The following NOL10 variants were observed in gnomAD, a reference collection of about 807,000 sequenced individuals.
The protein encoded by NOL10 is nucleolar protein 10, also known as H_NH0074G24.1.
A neutral mutation model predicts 103.5 loss-of-function variants in NOL10; 58 were observed. The ratio of observed to expected loss-of-function variants is 0.56; its 90% confidence interval spans 0.45 to 0.70. The LOEUF (loss-of-function observed/expected upper bound fraction) is 0.70, where lower values mean the gene tolerates loss of function less well. NOL10 is among the 30% of genes least tolerant of loss of function. The pLI is 0.00. For missense variants in NOL10, 763 were observed against 807.3 expected (o/e 0.95, Z 0.67); for synonymous variants, 287 against 282.5 (o/e 1.02, Z -0.16).
intron 12 of NOL10, among the ~76,000 whole-genome samples, chr2:10,648,737 C>T (rs191397781): frequency 1.3e-4 from 19 of 151,798 alleles, no homozygotes; most frequent in East Asian, 3.9e-4. Flanking sequence ...AAAAAATACA[C>T]GGTAGAGGAT....
intron 3 of NOL10, among the ~76,000 whole-genome samples, chr2:10,678,809 C>T (rs916332110): frequency 1.3e-5 from 2 of 152,134 alleles, no homozygotes; most frequent in East Asian, 1.9e-4. Flanking sequence ...ATTTCCCCTA[C>T]CAATACCAGA....
chr2:10,584,966 C>G (rs1051634053), intron 19 of NOL10, among the ~76,000 whole-genome samples: 1 of 152,180 alleles, frequency 6.6e-6, no homozygotes, highest in Non-Finnish European at 1.5e-5. Flanking sequence ...TTAGTCAGAC[C>G]GCCTACCCCC....
chr2:10,615,539 T>G (rs546568431), intron 13 of NOL10, among the ~76,000 whole-genome samples: 57 of 152,306 alleles, frequency 3.7e-4, no homozygotes, highest in Middle Eastern at 3.4e-3. Flanking sequence ...ACAGAGAGCT[T>G]TTGGTTAATA....
Position 10,571,921 on chromosome 2 carries a change from G to A in NOL10, c.*150C>T. The stretch of plus-strand genomic sequence containing the variant: ...GCCAGCTTCAAAGTCCAACCCACAA[G>A]GCACAGGTTTTCAAATCTTTACCTC... On this transcript the variant is annotated 3_prime_UTR_variant, in exon 21 of 21. Coordinates refer to ENST00000381685, the MANE Select transcript of NOL10 (RefSeq NM_024894.4). The A allele has an allele frequency of 1.1e-6, 1 of 943,104 alleles. No homozygotes were observed. The highest frequency in any genetic ancestry group is 1.6e-6 in the Non-Finnish European group (1 of 644,248). 58.4% of individuals were successfully genotyped at this position (943,104 alleles called of 1,614,324 possible). A position where few individuals can be genotyped will look rare whatever the true frequency, so the allele number is the denominator to read the frequency against.
chr2:10,593,481 G>GA (rs1675506316), intron 17 of NOL10, among the ~76,000 whole-genome samples: 1 of 152,138 alleles, frequency 6.6e-6, no homozygotes, highest in Admixed American at 6.5e-5. Context: ...ATGAAGTTAG[G>GA]CTGGTACAGA....
chr2:10,580,597 AG>A (rs1332589146), intron 19 of NOL10, among the ~76,000 whole-genome samples: 2 of 152,218 alleles, frequency 1.3e-5, no homozygotes, highest in Non-Finnish European at 2.9e-5. Context: ...GAAGGCTCCC[AG>A]GGGAAGAACC....
At chr2:10,676,004 A>C in intron 3 of NOL10, 133 bp from the exon 4 acceptor site, 1 of 468,588 alleles carries the variant, frequency 2.1e-6, no homozygotes, top group Non-Finnish European at 3.8e-6. Context: ...AGGAATGTAA[A>C]AGCAGCCCCT....
At chr2:10,597,991 G>A (rs1675785550) in intron 17 of NOL10, among the ~76,000 whole-genome samples, 1 of 152,156 alleles carries the variant, frequency 6.6e-6, no homozygotes, top group African/African-American at 2.4e-5. Context: ...GAACATCAAC[G>A]GAACGTAGAT....
rs552217540 is a variant in NOL10, at chr2:10,641,332, C to A, written c.1026+2988G>T. Among the ~76,000 whole-genome samples, 4 of 148,046 alleles carry A rather than the reference C, an allele frequency of 2.7e-5. 1 individual carries two copies. The South Asian group carries it at 8.6e-4, about 32-fold the overall frequency. On this transcript the variant is annotated intron_variant, in intron 13 of 20. Transcript: ENST00000381685. ...CACTCCAGCCTGGGCAACAAAAACT[C>A]CGTCTCAAAAAAAAACATTAAAGCT...
chr2:10,579,924 TCCTC>T (rs1674661603), intron 19 of NOL10, among the ~76,000 whole-genome samples: 1 of 152,208 alleles, frequency 6.6e-6, no homozygotes, highest in Admixed American at 6.5e-5. Context: ...TGACCTTACT[TCCTC>T]CATGATAGGG....
chr2:10,684,142 C>T (rs1445939479), intron 2 of NOL10, among the ~76,000 whole-genome samples: 2 of 151,694 alleles, frequency 1.3e-5, no homozygotes, highest in African/African-American at 2.4e-5. Context: ...ATTAGCCGGG[C>T]GTGGTGGCTT....
intron 3 of NOL10, among the ~76,000 whole-genome samples, chr2:10,677,091 G>A (rs547357193): frequency 1.1e-3 from 165 of 151,074 alleles, no homozygotes; most frequent in Non-Finnish European, 1.6e-3. Flanking sequence ...GGTGCCTGCC[G>A]CCACATCTGG....
chr2:10,633,851 G>C (rs1678012201), intron 13 of NOL10, among the ~76,000 whole-genome samples: 1 of 151,812 alleles, frequency 6.6e-6, no homozygotes, highest in Non-Finnish European at 1.5e-5. Flanking sequence ...TTAAGCAACA[G>C]GGTCTTGCTC....
chr2:10,652,822 C>G (rs990482588), intron 12 of NOL10, among the ~76,000 whole-genome samples: 1 of 151,400 alleles, frequency 6.6e-6, no homozygotes. Context: ...CTACTGGACG[C>G]CAGACACGCC....
At chr2:10,572,287 C>G in intron 20 of NOL10, 97 bp from the exon 21 acceptor site, 1 of 1,314,930 alleles carries the variant, frequency 7.6e-7, no homozygotes, top group Non-Finnish European at 1.1e-6. Context: ...CCACCAATCT[C>G]AGAACTGCTG....
chr2:10,680,934 T>G (rs1233377857), intron 3 of NOL10, among the ~76,000 whole-genome samples: 1 of 152,240 alleles, frequency 6.6e-6, no homozygotes, highest in Non-Finnish European at 1.5e-5. Flanking sequence ...ATCTTAGAGA[T>G]ATTTTTAAAA....
intron 11 of NOL10, among the ~76,000 whole-genome samples, chr2:10,656,609 G>A (rs1047103373): frequency 3.0e-4 from 45 of 152,340 alleles, no homozygotes; most frequent in Admixed American, 2.7e-3. Context: ...AGCCCAGAAA[G>A]CCAGAGACTC....
chr2:10,681,969 A>G lies in NOL10; in HGVS notation c.211+2T>C. ...GAAAATCATAACCAAAAAGATGCTT[A>G]CCAGTTGCTAAAATGTACTGTCCAT... is the stretch of plus-strand genomic sequence containing the variant. On this transcript the variant is annotated splice_donor_variant, in intron 3 of 20. Transcript: ENST00000381685. LOFTEE classifies it high-confidence loss of function. The G allele has an allele frequency of 7.3e-7, 1 of 1,366,296 alleles. No homozygotes were observed. Among genetic ancestry groups the G allele is most frequent in the Non-Finnish European group, 9.8e-7 (1 of 1,023,988 alleles). 84.6% of individuals were successfully genotyped at this position (1,366,296 alleles called of 1,614,324 possible).
At chr2:10,684,525 T>C (rs1388142993) in intron 2 of NOL10, 42 bp downstream of exon 2, 1 of 1,469,550 alleles carries the variant, frequency 6.8e-7, no homozygotes, top group East Asian at 2.4e-5. Context: ...CATTAGAACA[T>C]GGATCACTAA....
Sources: allele counts gnomAD v4.1 joint callset (sites outside exome capture counted in the v4.1 genomes callset), GRCh38; gene constraint gnomAD v4.1.1; transcripts MANE v1.5; gene names NCBI Gene and HGNC (gene_info 2026-07-23, HGNC 2026-07-21).